ITGA8: variants seen among roughly 807,000 people sequenced by gnomAD.
ITGA8 encodes integrin alpha-8.
Under a neutral mutation model 142.3 loss-of-function variants are expected in ITGA8, and 91 were observed. The ratio of observed to expected loss-of-function variants is 0.64; its 90% CI spans 0.54 to 0.76. The LOEUF (loss-of-function observed/expected upper bound fraction) is 0.76, where lower values mean the gene tolerates loss of function less well. Ranked by LOEUF, ITGA8 falls within the 30% of genes least tolerant of loss-of-function variation. The pLI, the probability that ITGA8 is intolerant of heterozygous loss-of-function variation, is 0.00. For synonymous variants in ITGA8, 505 were observed against 485.2 expected (o/e 1.04, Z -0.54); for missense variants, 1,406 against 1,327.7 (o/e 1.06, Z -0.92).
At chr10:15,674,944 A>AT (rs1834598991) in intron 6 of ITGA8, among the ~76,000 whole-genome samples, 1 of 151,696 alleles carries the variant, frequency 6.6e-6, no homozygotes, top group African/African-American at 2.4e-5. Flanking sequence ...GTCTCAAAAA[A>AT]AAAAAAATCA....
Position 15,718,816 on chromosome 10 carries a change from C to T in ITGA8, c.293G>A (p.Trp98Ter). 6.2e-7 allele frequency: 1 copy of T among 1,614,170 alleles called. No individual in the cohort carries two copies. Among genetic ancestry groups the T allele is most frequent in the Middle Eastern group, 1.7e-4 (1 of 6,060 alleles). ...VEGGAVYYCP[W>*]PAEGSAQCRQ... ...GCACTGCGCAGACCCCTCCGCGGGC[C>T]AAGGACAGTAATAGACGGCTCCCCC... The change falls in exon 2 of 30, where the codon TGG (tryptophan) becomes TAG (stop). Residue 98 changes from tryptophan to a stop codon, truncating the protein, a stop_gained. Transcript: ENST00000378076. LOFTEE classifies it high-confidence loss of function.
At chr10:15,617,867 G>A (rs551915084) in intron 13 of ITGA8, among the ~76,000 whole-genome samples, 8 of 152,150 alleles carry the variant, frequency 5.3e-5, no homozygotes, top group African/African-American at 1.4e-4. Flanking sequence ...AGAACATGTC[G>A]TATATAAACA....
chr10:15,517,268 A>C, intron 29 of ITGA8, 24 bp from the exon 30 acceptor site: 2 of 1,502,930 alleles, frequency 1.3e-6, no homozygotes, highest in Non-Finnish European at 1.8e-6. Flanking sequence ...GATGGGCTAT[A>C]AAATCACGTC....
intron 13 of ITGA8, among the ~76,000 whole-genome samples, chr10:15,628,463 G>C (rs1833627579): frequency 6.6e-6 from 1 of 150,618 alleles, no homozygotes; most frequent in South Asian, 2.1e-4. Context: ...CTCCCGAGTA[G>C]CTGGGACTAC....
At chr10:15,531,363 C>T (rs969881294) in intron 27 of ITGA8, among the ~76,000 whole-genome samples, 10 of 152,076 alleles carry the variant, frequency 6.6e-5, no homozygotes, top group African/African-American at 9.7e-5. Flanking sequence ...TCCATCTAAG[C>T]GTCGAAGCGT....
chr10:15,607,600 G>T, intron 17 of ITGA8, 77 bp downstream of exon 17: 2 of 1,391,172 alleles, frequency 1.4e-6, no homozygotes, highest in Non-Finnish European at 2.0e-6. Context: ...AGACAAACAT[G>T]ATGGTTAAAT....
chr10:15,524,972 A>T (rs1833141193), intron 28 of ITGA8, among the ~76,000 whole-genome samples: 1 of 152,202 alleles, frequency 6.6e-6, no homozygotes, highest in South Asian at 2.1e-4. Flanking sequence ...ACACTGACAT[A>T]TATGAAGAAT....
chr10:15,647,778 A>G (rs1457327199), intron 11 of ITGA8, among the ~76,000 whole-genome samples: 1 of 152,188 alleles, frequency 6.6e-6, no homozygotes, highest in African/African-American at 2.4e-5. Flanking sequence ...TCAGTTTTTA[A>G]TGCAGTAATG....
intron 13 of ITGA8, among the ~76,000 whole-genome samples, chr10:15,625,423 G>A (rs1833563652): frequency 6.6e-6 from 1 of 151,878 alleles, no homozygotes; most frequent in Non-Finnish European, 1.5e-5. Context: ...CTCTTCATGG[G>A]CCACACTGAA....
intron 4 of ITGA8, among the ~76,000 whole-genome samples, chr10:15,680,083 C>T (rs559164268): frequency 7.2e-5 from 11 of 152,272 alleles, no homozygotes; most frequent in East Asian, 1.9e-4. Flanking sequence ...ACTGGGCATG[C>T]GCCTGTTCAG....
chr10:15,643,268 A>G (rs1306558452), intron 13 of ITGA8, among the ~76,000 whole-genome samples: 1 of 152,160 alleles, frequency 6.6e-6, no homozygotes, highest in East Asian at 1.9e-4. Flanking sequence ...GAAAACCACA[A>G]AATATGGCTG....
chr10:15,517,160 A>G lies in ITGA8; in HGVS notation c.3190T>C (p.Ter1064ArgextTer61), dbSNP rs898281955. Residue 1064 changes from the stop codon to arginine (R), a stop_lost, in exon 30 of 30, where the codon TGA (stop) becomes CGA (arginine). Coordinates refer to ENST00000378076, the MANE Select transcript of ITGA8 (RefSeq NM_003638.3). The part of the protein sequence containing the change: ...QLTNDKTPEA[*>R] ...TTTGGTCTTCTTTTTTTTTCTTGTC[A>G]TGCCTCAGGGGTCTTGTCATTTGTC... The G allele has an allele frequency of 6.2e-7, 1 of 1,608,458 alleles. No homozygotes were observed. The highest frequency in any genetic ancestry group is 1.7e-4 in the Middle Eastern group (1 of 6,042).
chr10:15,699,297 CAAAA>C (rs1187868736), intron 2 of ITGA8, among the ~76,000 whole-genome samples: 2 of 151,800 alleles, frequency 1.3e-5, no homozygotes, highest in Non-Finnish European at 2.9e-5. Context: ...AACAAACAAA[CAAAA>C]AAACAAAAAC....
At chr10:15,670,954 C>G (rs187024957) in intron 8 of ITGA8, among the ~76,000 whole-genome samples, 3 of 152,294 alleles carry the variant, frequency 2.0e-5, no homozygotes, top group Admixed American at 2.0e-4. Flanking sequence ...TCTGACCCCC[C>G]ACCGTCATCA....
intron 24 of ITGA8, among the ~76,000 whole-genome samples, chr10:15,573,004 C>T (rs926864330): frequency 1.3e-5 from 2 of 152,106 alleles, no homozygotes; most frequent in African/African-American, 4.8e-5. Context: ...AATTGTTTGC[C>T]CAAAACACTA....
At chr10:15,666,074 T>G (rs1304264269) in intron 8 of ITGA8, among the ~76,000 whole-genome samples, 2 of 152,262 alleles carry the variant, frequency 1.3e-5, no homozygotes, top group Non-Finnish European at 2.9e-5. Flanking sequence ...GGTAGCTTGA[T>G]GGGGATGGCA....
intron 11 of ITGA8, among the ~76,000 whole-genome samples, chr10:15,647,411 T>C (rs970228683): frequency 1.3e-5 from 2 of 151,978 alleles, no homozygotes; most frequent in African/African-American, 4.8e-5. Flanking sequence ...GATTAGAGTT[T>C]GTCTGCAATT....
chr10:15,710,837 G>A (rs754438650), intron 2 of ITGA8, among the ~76,000 whole-genome samples: 9 of 152,214 alleles, frequency 5.9e-5, no homozygotes, highest in Non-Finnish European at 1.0e-4. Context: ...CGTGGGCCGG[G>A]TCAGGTCTTT....
chr10:15,697,536 T>C (rs897242212), intron 2 of ITGA8, among the ~76,000 whole-genome samples: 1 of 152,226 alleles, frequency 6.6e-6, no homozygotes, highest in African/African-American at 2.4e-5. Flanking sequence ...GTGCTTTTCC[T>C]GTAAAGGACT....
Sources: allele counts gnomAD v4.1 joint callset (sites outside exome capture counted in the v4.1 genomes callset), GRCh38; gene constraint gnomAD v4.1.1; transcripts MANE v1.5; gene names NCBI Gene and HGNC (gene_info 2026-07-23, HGNC 2026-07-21).